The following DNAH14 variants were observed in gnomAD, a reference collection of about 807,000 sequenced individuals.
DNAH14 encodes dynein axonemal heavy chain 14.
A neutral mutation model predicts 520.9 loss-of-function variants in DNAH14; 478 were observed. The observed-to-expected ratio is 0.92, with a 90% CI of 0.85 to 0.99. DNAH14 has a LOEUF of 0.99. Among genes scored for constraint, DNAH14 ranks in the 50% least tolerant of loss-of-function variants. The pLI is 0.00. For missense variants in DNAH14, 4,831 were observed against 5,234.5 expected (o/e 0.92, Z 2.38); for synonymous variants, 1,581 against 1,757.2 (o/e 0.90, Z 2.51).
At chr1:225,146,962 TA>T in intron 30 of DNAH14, 141 bp from the exon 31 acceptor site, 1 of 618,908 alleles carries the variant, frequency 1.6e-6, no homozygotes, top group Non-Finnish European at 2.7e-6. Context: ...TTCAACCCTA[TA>T]AAAATGCCTA....
Position 225,265,326 on chromosome 1 carries a change from T to G in DNAH14, c.7367T>G (p.Ile2456Arg), listed in dbSNP as rs1558200867. Residue 2456 changes from isoleucine to arginine, a missense_variant, in exon 48 of 86, where the codon ATA becomes AGA. By Grantham distance (97) the Ile-to-Arg change is moderately conservative. Transcript: ENST00000682510. ...KTKEMILKKL[I>R]RRTKDTLGAP... ...AAGGAGATGATTCTTAAGAAGTTAA[T>G]AAGAAGAACTAAAGATACTCTTGGA... is the stretch of plus-strand genomic sequence containing the variant. The G allele has an allele frequency of 6.5e-7, 1 of 1,541,430 alleles. No homozygotes were observed. Among genetic ancestry groups the G allele is most frequent in the South Asian group, 1.2e-5 (1 of 81,196 alleles).
intron 9 of DNAH14, 42 bp downstream of exon 9, chr1:225,002,969 G>T: frequency 7.2e-7 from 1 of 1,395,044 alleles, no homozygotes; most frequent in Non-Finnish European, 9.4e-7. Flanking sequence ...TTGGTATATA[G>T]AAACTAGGAA....
chr1:225,280,990 A>T (rs1558254046), intron 54 of DNAH14, among the ~76,000 whole-genome samples: 1 of 152,238 alleles, frequency 6.6e-6, no homozygotes, highest in Admixed American at 6.5e-5. Context: ...GGTGAAAGAC[A>T]CTGATGGTAA....
intron 8 of DNAH14, among the ~76,000 whole-genome samples, chr1:224,999,997 C>A (rs1308017031): frequency 6.6e-6 from 1 of 151,974 alleles, no homozygotes; most frequent in African/African-American, 2.4e-5. Flanking sequence ...TTATCATGTT[C>A]TTTCTTCCTT....
At chr1:225,213,895 T>G (rs2088857394) in intron 41 of DNAH14, among the ~76,000 whole-genome samples, 1 of 152,184 alleles carries the variant, frequency 6.6e-6, no homozygotes. Flanking sequence ...TGAATACCCT[T>G]TATTTCTTTC....
rs138279949 is a variant in DNAH14, at chr1:225,194,549, T to C, written c.5886+1638T>C. ...AAATCAACTCAAGATAGATTAATGA[T>C]TTACATGTAAAACTTGAAACTATAG... On this transcript the variant is annotated intron_variant, in intron 38 of 85. Coordinates refer to ENST00000682510, the MANE Select transcript of DNAH14 (RefSeq NM_001367479.1). Among the ~76,000 whole-genome samples, 1,083 of 152,056 alleles carry C rather than the reference T, an allele frequency of 7.1e-3. 9 individuals carry two copies. The highest frequency in any genetic ancestry group is 0.024 in the African/African-American group (1,014 of 41,532).
intron 41 of DNAH14, among the ~76,000 whole-genome samples, chr1:225,227,457 G>T (rs1026656674): frequency 3.9e-5 from 6 of 152,132 alleles, no homozygotes; most frequent in African/African-American, 1.4e-4. Context: ...GCACAGGGTT[G>T]GGGCTAGGTT....
Position 225,023,814 on chromosome 1 carries a change from G to A in DNAH14, c.1307G>A (p.Gly436Asp). The A allele has an allele frequency of 6.5e-7, 1 of 1,545,970 alleles. No individual in the cohort carries two copies. The highest frequency in any genetic ancestry group is 8.7e-7 in the Non-Finnish European group (1 of 1,144,302). Reference sequence around the variant, plus strand: ...ACACTACTTTTGGAATTATTTAATGGTTCTGCTGGAATGCCATTTTCAGTG... The same window carrying A: ...ACACTACTTTTGGAATTATTTAATGATTCTGCTGGAATGCCATTTTCAGTG... The part of the protein sequence containing the change: ...AVTLLLELFN[G>D]SAGMPFSVEK... The change falls in exon 11 of 86, where the codon GGT becomes GAT. Residue 436 changes from glycine (G) to aspartate (D), a missense_variant. Coordinates refer to ENST00000682510, the MANE Select transcript of DNAH14 (RefSeq NM_001367479.1).
chr1:225,286,878 C>A (rs933608966), intron 54 of DNAH14, among the ~76,000 whole-genome samples: 2 of 152,008 alleles, frequency 1.3e-5, no homozygotes, highest in African/African-American at 4.8e-5. Flanking sequence ...TACATTGATA[C>A]AATGGAATAT....
In DNAH14 at chr1:225,204,182, G is replaced by T; in HGVS notation, c.5887-1G>T. ...TAAACATTATTGATTACATATTTTA[G>T]GTTTTCAAACTTGATTCCTCTGATA... On this transcript the variant is annotated splice_acceptor_variant, in intron 38 of 85. Coordinates refer to ENST00000682510, the MANE Select transcript of DNAH14 (RefSeq NM_001367479.1). LOFTEE classifies it high-confidence loss of function. 2 of 1,429,500 alleles carry T rather than the reference G, an allele frequency of 1.4e-6. No homozygotes were observed. The highest frequency in any genetic ancestry group is 2.8e-5 in the East Asian group (1 of 35,410). The allele number at this position is 1,429,500 out of a possible 1,614,324, so 88.6% of individuals were successfully genotyped here.
chr1:225,310,606 AC>A (rs2094344146), intron 60 of DNAH14, among the ~76,000 whole-genome samples: 1 of 151,082 alleles, frequency 6.6e-6, no homozygotes, highest in East Asian at 1.9e-4. Context: ...CTAGACCCTC[AC>A]CCCCCGACAG....
chr1:224,960,061 A>T (rs925000760), intron 3 of DNAH14, 92 bp from the exon 4 acceptor site: 1 of 1,276,890 alleles, frequency 7.8e-7, no homozygotes, highest in African/African-American at 1.5e-5. Context: ...TGCCTTATAT[A>T]ATCATTAACT....
intron 69 of DNAH14, among the ~76,000 whole-genome samples, chr1:225,343,655 C>T (rs1038047950): frequency 1.3e-5 from 2 of 152,134 alleles, no homozygotes; most frequent in African/African-American, 4.8e-5. Context: ...TTTAAATACA[C>T]ATTTATGCCT....
intron 44 of DNAH14, among the ~76,000 whole-genome samples, chr1:225,256,033 C>G (rs1034938952): frequency 2.6e-5 from 4 of 151,784 alleles, no homozygotes; most frequent in Admixed American, 1.3e-4. Context: ...TGTATACGAG[C>G]CAATGCAATT....
At chr1:225,346,429 G>A in intron 70 of DNAH14, 27 bp from the exon 71 acceptor site, 1 of 1,535,822 alleles carries the variant, frequency 6.5e-7, no homozygotes, top group Admixed American at 2.2e-5. Context: ...AATCTCACTG[G>A]ATTAATATGT....
At chr1:225,268,737 A>G (rs1202177588) in intron 49 of DNAH14, among the ~76,000 whole-genome samples, 5 of 152,188 alleles carry the variant, frequency 3.3e-5, no homozygotes, top group Non-Finnish European at 7.4e-5. Context: ...AATTGCTTCA[A>G]AGAGAATAAA....
chr1:225,211,922 T>A (rs969447345), intron 41 of DNAH14, among the ~76,000 whole-genome samples: 7 of 150,290 alleles, frequency 4.7e-5, no homozygotes, highest in African/African-American at 1.7e-4. Flanking sequence ...TTATTTTTAT[T>A]ATACTTTAAG....
At chr1:225,188,153 C>A (rs191795701) in intron 37 of DNAH14, among the ~76,000 whole-genome samples, 54 of 151,970 alleles carry the variant, frequency 3.6e-4, no homozygotes, top group African/African-American at 1.3e-3. Flanking sequence ...AGTAGTCTCC[C>A]TGTATTCATG....
intron 26 of DNAH14, among the ~76,000 whole-genome samples, chr1:225,120,273 T>C (rs995614311): frequency 2.0e-5 from 3 of 152,178 alleles, no homozygotes; most frequent in East Asian, 1.9e-4. Context: ...CCAGAACTGA[T>C]TGAGCCAGAT....
Sources: gnomAD v4.1 joint callset for allele counts (sites outside exome capture counted in the v4.1 genomes callset) on GRCh38, gnomAD v4.1.1 for gene constraint, MANE v1.5 for transcripts, NCBI Gene and HGNC (gene_info 2026-07-23, HGNC 2026-07-21) for gene names.